The following N4BP2L2 variants were observed in gnomAD, a reference collection of about 807,000 sequenced individuals.
The protein encoded by N4BP2L2 is NEDD4 binding protein 2 like 2, also known as NEDD4-binding protein 2-like 2.
In N4BP2L2, 50 loss-of-function variants were observed where a neutral mutation model predicts 56.2. The ratio of observed to expected loss-of-function variants is 0.89; its 90% CI spans 0.71 to 1.13. The LOEUF is 1.13. N4BP2L2 is among the 50% of genes most tolerant of loss of function. The pLI is 0.00. For synonymous variants in N4BP2L2, 203 were observed against 223.6 expected (o/e 0.91, Z 0.82); for missense variants, 689 against 693.8 (o/e 0.99, Z 0.08).
At chr13:32,509,921 A>AT (rs1031823103), downstream of N4BP2L2, among the ~76,000 whole-genome samples, 2 of 152,152 alleles carry the variant, frequency 1.3e-5, no homozygotes, top group African/African-American at 2.4e-5. Context: ...CAGTTCTTCA[A>AT]TTTTTTTAAG....
intron 6 of N4BP2L2, among the ~76,000 whole-genome samples, chr13:32,480,010 T>TA (rs890669662): frequency 4.6e-5 from 7 of 151,008 alleles, no homozygotes; most frequent in East Asian, 1.9e-4. Context: ...TCCCACAGAT[T>TA]AAAAAAAAAT....
chr13:32,470,587 A>T (rs574209843), intron 6 of N4BP2L2, among the ~76,000 whole-genome samples: 1 of 152,348 alleles, frequency 6.6e-6, no homozygotes, highest in African/African-American at 2.4e-5. Flanking sequence ...CTGAGCTCTC[A>T]TACTCTGATA....
intron 6 of N4BP2L2, among the ~76,000 whole-genome samples, chr13:32,501,431 C>CTT (rs34152087): frequency 2.3e-4 from 35 of 149,932 alleles, no homozygotes; most frequent in East Asian, 1.4e-3. Context: ...AAATAAAAAC[C>CTT]TTTTTTTTTT....
chr13:32,442,534 A>G, exon 7 of N4BP2L2: 1 of 1,613,886 alleles, frequency 6.2e-7, no homozygotes, highest in African/African-American at 1.3e-5. Flanking sequence ...CCATCTTTTC[A>G]GCTTTCTATC....
chr13:32,538,807 G>C (rs532392347), upstream of N4BP2L2: 2 of 985,420 alleles, frequency 2.0e-6, no homozygotes, highest in Non-Finnish European at 2.4e-6. Flanking sequence ...GTCACCTCTC[G>C]GTTACCCAGG....
chr13:32,473,896 C>A (rs1399259662), intron 6 of N4BP2L2, among the ~76,000 whole-genome samples: 3 of 152,184 alleles, frequency 2.0e-5, no homozygotes, highest in Non-Finnish European at 4.4e-5. Context: ...AACCTTAATT[C>A]CCCTTTGCCA....
chr13:32,520,968 A>C (rs554075143), intron 5 of N4BP2L2, among the ~76,000 whole-genome samples: 1 of 152,336 alleles, frequency 6.6e-6, no homozygotes, highest in African/African-American at 2.4e-5. Context: ...AGAAATATTA[A>C]GATGTTTGAT....
intron 6 of N4BP2L2, among the ~76,000 whole-genome samples, chr13:32,464,690 T>G (rs2080892712): frequency 6.6e-6 from 1 of 152,088 alleles, no homozygotes; most frequent in Non-Finnish European, 1.5e-5. Context: ...ATATCTAGAG[T>G]GTATTCTCTC....
chr13:32,472,818 CA>C (rs1455865352), intron 6 of N4BP2L2, among the ~76,000 whole-genome samples: 1 of 152,090 alleles, frequency 6.6e-6, no homozygotes, highest in Non-Finnish European at 1.5e-5. Flanking sequence ...GCCTTTTAGA[CA>C]GTAAAGCAAT....
chr13:32,442,986 C>A, exon 7 of N4BP2L2: 1 of 1,613,694 alleles, frequency 6.2e-7, no homozygotes, highest in Non-Finnish European at 8.5e-7. Context: ...TTTTTGTTAA[C>A]AGGTCACATT....
intron 6 of N4BP2L2, among the ~76,000 whole-genome samples, chr13:32,471,803 A>ACTG (rs2082353383): frequency 6.6e-6 from 1 of 152,232 alleles, no homozygotes. Flanking sequence ...AGCCATACTC[A>ACTG]CTGCCTACAG....
rs569511931 is a variant in N4BP2L2 at position 32,458,532 on chromosome 13, G to A, written c.366-14406C>T. Among the ~76,000 whole-genome samples, 4 of 152,280 alleles carry A rather than the reference G, an allele frequency of 2.6e-5. No individual in the cohort carries two copies. In the South Asian group the frequency reaches 8.3e-4, roughly 32 times the overall value. On this transcript the variant is annotated intron_variant, in intron 6 of 9. Coordinates refer to the N4BP2L2 transcript ENST00000357505. ...CTTAGATAAAACAGACTTTAAGTCT[G>A]AGACAGAGAAGGTCATTATATAATG...
chr13:32,444,014 A>G (rs2076674062), exon 7 of N4BP2L2: 1 of 1,609,132 alleles, frequency 6.2e-7, no homozygotes, highest in South Asian at 1.1e-5. Flanking sequence ...AAGAATTCTA[A>G]TGAGTTTTCC....
chr13:32,456,191 C>G (rs1285420055), intron 6 of N4BP2L2, among the ~76,000 whole-genome samples: 1 of 152,168 alleles, frequency 6.6e-6, no homozygotes, highest in Non-Finnish European at 1.5e-5. Flanking sequence ...ACTTGCATCC[C>G]CTTCCACAGT....
intron 6 of N4BP2L2, among the ~76,000 whole-genome samples, chr13:32,493,681 A>T (rs76027862): frequency 0.022 from 3,374 of 152,254 alleles, 50 homozygotes; most frequent in South Asian, 0.033. Context: ...ATTTTCAATC[A>T]TGTTTCACAC....
chr13:32,527,510 C>G (rs2053381371), exon 3 of N4BP2L2: 5 of 1,613,156 alleles, frequency 3.1e-6, no homozygotes, highest in Admixed American at 3.3e-5. Context: ...ACAATGCCAT[C>G]ACGATTCTGA....
At chr13:32,443,028 T>C in exon 7 of N4BP2L2, 2 of 1,609,532 alleles carry the variant, frequency 1.2e-6, no homozygotes, top group African/African-American at 1.3e-5. Flanking sequence ...TACGACTCTG[T>C]CCTAATAAGT....
chr13:32,536,539 A>G (rs2056597186), exon 2 of N4BP2L2: 2 of 1,613,856 alleles, frequency 1.2e-6, no homozygotes, highest in Non-Finnish European at 8.5e-7. Context: ...CTGATTTTTC[A>G]GAGTTAAATT....
At chr13:32,529,652 TTTTTG>T (rs1183773880) in intron 2 of N4BP2L2, among the ~76,000 whole-genome samples, 3 of 77,192 alleles carry the variant, frequency 3.9e-5, no homozygotes, top group Non-Finnish European at 1.0e-4. Context: ...TATGCTTCCT[TTTTTG>T]TTTTTTTTTT....
Sources: gnomAD v4.1 joint callset for allele counts (sites outside exome capture counted in the v4.1 genomes callset) on GRCh38, gnomAD v4.1.1 for gene constraint, MANE v1.5 for transcripts, NCBI Gene and HGNC (gene_info 2026-07-23, HGNC 2026-07-21) for gene names.